Variants in CSMD3 observed in about 807,000 individuals in gnomAD.
The protein encoded by CSMD3 is CUB and sushi domain-containing protein 3.
CSMD3 carries 177 observed loss-of-function variants against 435.2 expected under a neutral mutation model. The ratio of observed to expected loss-of-function variants is 0.41; its 90% confidence interval spans 0.36 to 0.46. The LOEUF (loss-of-function observed/expected upper bound fraction) is 0.46. Among genes scored for constraint, CSMD3 ranks in the 20% least tolerant of loss-of-function variants. The pLI, the probability that CSMD3 is intolerant of heterozygous loss-of-function variation, is 0.34. For synonymous variants in CSMD3, 1,656 were observed against 1,520.5 expected (o/e 1.09, Z -2.07); for missense variants, 4,265 against 4,504.6 (o/e 0.95, Z 1.52).
chr8:113,244,376 C>T (rs990053959), intron 3 of CSMD3, among the ~76,000 whole-genome samples: 28 of 152,240 alleles, frequency 1.8e-4, no homozygotes, highest in African/African-American at 5.8e-4. Context: ...AGTGCAGTGG[C>T]GTGATCTTTG....
At chr8:112,690,747 A>G (rs937824057) in intron 13 of CSMD3, among the ~76,000 whole-genome samples, 1 of 152,134 alleles carries the variant, frequency 6.6e-6, no homozygotes, top group African/African-American at 2.4e-5. Context: ...GATGTATCCA[A>G]AGAAACTTCA....
chr8:112,751,633 T>G (rs915518307), intron 13 of CSMD3, among the ~76,000 whole-genome samples: 3 of 142,342 alleles, frequency 2.1e-5, no homozygotes, highest in East Asian at 4.0e-4. Context: ...TTTAGGTTTT[T>G]TTTTTTTTTT....
intron 31 of CSMD3, among the ~76,000 whole-genome samples, chr8:112,486,830 G>T (rs1158121153): frequency 1.3e-5 from 2 of 152,058 alleles, no homozygotes; most frequent in Non-Finnish European, 2.9e-5. Flanking sequence ...TATCTCATCA[G>T]ATTATAAACT....
intron 1 of CSMD3, among the ~76,000 whole-genome samples, chr8:113,352,949 G>C (rs1031833335): frequency 6.6e-6 from 1 of 152,174 alleles, no homozygotes; most frequent in Non-Finnish European, 1.5e-5. Flanking sequence ...ATTTCAGTTT[G>C]TGTTTTAAAA....
intron 1 of CSMD3, among the ~76,000 whole-genome samples, chr8:113,378,762 A>AGTGTGTGTGTGTGT (rs5894145): frequency 0.038 from 5,594 of 148,206 alleles, 126 homozygotes; most frequent in South Asian, 0.063. Flanking sequence ...GTCACACTGA[A>AGTGTGTGTGTGTGT]GTGTGTGTGT....
intron 4 of CSMD3, among the ~76,000 whole-genome samples, chr8:113,145,473 A>T (rs904420023): frequency 5.3e-5 from 8 of 151,340 alleles, no homozygotes; most frequent in Non-Finnish European, 1.0e-4. Context: ...TAATTTCCTT[A>T]CCTTTTTATC....
chr8:112,582,539 C>T (rs188521067), intron 23 of CSMD3, among the ~76,000 whole-genome samples: 7 of 151,876 alleles, frequency 4.6e-5, no homozygotes, highest in African/African-American at 7.2e-5. Context: ...AGTAAAATTA[C>T]GCCAAATCAT....
chr8:113,111,104 G>A (rs1479544325), intron 4 of CSMD3, among the ~76,000 whole-genome samples: 2 of 152,094 alleles, frequency 1.3e-5, no homozygotes, highest in African/African-American at 2.4e-5. Flanking sequence ...ATGAATTTTG[G>A]GGGAACATAA....
intron 41 of CSMD3, among the ~76,000 whole-genome samples, chr8:112,344,625 T>G (rs1278865107): frequency 1.3e-5 from 2 of 152,178 alleles, no homozygotes; most frequent in Non-Finnish European, 2.9e-5. Context: ...CTATTCATCC[T>G]AGTCTTCTGT....
chr8:113,313,930 A>G (rs537060317), intron 2 of CSMD3: 1 of 152,278 alleles, frequency 6.6e-6, no homozygotes, highest in African/African-American at 2.4e-5. Context: ...AATTTTACAT[A>G]ACCTCTTTGC....
chr8:112,593,895 G>T (rs1194982467), intron 22 of CSMD3, among the ~76,000 whole-genome samples: 1 of 152,016 alleles, frequency 6.6e-6, no homozygotes, highest in Non-Finnish European at 1.5e-5. Context: ...TTTGAAGGAA[G>T]GGTCTTTTTG....
intron 6 of CSMD3, among the ~76,000 whole-genome samples, chr8:112,982,510 A>G (rs2085090819): frequency 1.3e-5 from 2 of 152,048 alleles, no homozygotes; most frequent in South Asian, 4.1e-4. Context: ...GGCTTCCCCT[A>G]AACAAACAAA....
intron 13 of CSMD3, among the ~76,000 whole-genome samples, chr8:112,757,988 C>T (rs2077740912): frequency 1.3e-5 from 2 of 152,054 alleles, no homozygotes; most frequent in South Asian, 2.1e-4. Flanking sequence ...CCCAGGAGTT[C>T]CAGGCTGCAG....
At chr8:113,031,997 T>A (rs2087130072) in intron 5 of CSMD3, among the ~76,000 whole-genome samples, 1 of 151,636 alleles carries the variant, frequency 6.6e-6, no homozygotes. Context: ...AAGAAAGCGT[T>A]TTCTTCTCTT....
intron 9 of CSMD3, among the ~76,000 whole-genome samples, chr8:112,934,884 T>C (rs1028978787): frequency 1.3e-5 from 2 of 152,198 alleles, no homozygotes; most frequent in East Asian, 1.9e-4. Flanking sequence ...CATTATTGTT[T>C]CCTTTTCTGT....
intron 3 of CSMD3, among the ~76,000 whole-genome samples, chr8:113,199,557 C>T (rs998523437): frequency 7.9e-5 from 12 of 151,588 alleles, no homozygotes; most frequent in Admixed American, 2.6e-4. Context: ...ACATTTTATG[C>T]TGGATTTTTC....
intron 9 of CSMD3, among the ~76,000 whole-genome samples, chr8:112,947,136 A>T (rs1205588307): frequency 6.6e-6 from 1 of 151,630 alleles, no homozygotes; most frequent in African/African-American, 2.4e-5. Context: ...GGCTTTTTGT[A>T]ATCTTTTGTT....
intron 22 of CSMD3, among the ~76,000 whole-genome samples, chr8:112,604,224 C>CAGT (rs2131432611): frequency 6.6e-6 from 1 of 152,174 alleles, no homozygotes; most frequent in South Asian, 2.1e-4. Flanking sequence ...GAACTGTTTG[C>CAGT]AGTAGAGTTT....
At chr8:113,301,771 C>T (rs1224990269) in intron 2 of CSMD3, among the ~76,000 whole-genome samples, 1 of 151,854 alleles carries the variant, frequency 6.6e-6, no homozygotes, top group Non-Finnish European at 1.5e-5. Flanking sequence ...TGTATGGGTT[C>T]AGTATCTTTT....
Sources: allele counts gnomAD v4.1 joint callset (sites outside exome capture counted in the v4.1 genomes callset), GRCh38; gene constraint gnomAD v4.1.1; transcripts MANE v1.5; gene names NCBI Gene and HGNC (gene_info 2026-07-23, HGNC 2026-07-21).